Variants in DNAH1 observed in about 807,000 individuals in gnomAD.
DNAH1 encodes the protein dynein axonemal heavy chain 1.
Under a neutral mutation model 484.3 loss-of-function variants are expected in DNAH1, and 327 were observed. The observed-to-expected ratio is 0.68, with a 90% CI of 0.62 to 0.74. The LOEUF (loss-of-function observed/expected upper bound fraction) is 0.74. DNAH1 is among the 30% of genes least tolerant of loss of function. DNAH1 has a pLI of 0.00. For synonymous variants in DNAH1, 2,192 were observed against 2,191.9 expected (o/e 1.00, Z 0.00); for missense variants, 5,052 against 5,546.8 (o/e 0.91, Z 2.83).
upstream of DNAH1, among the ~76,000 whole-genome samples, chr3:52,311,983 C>A (rs550265608): frequency 4.6e-5 from 7 of 152,382 alleles, no homozygotes; most frequent in South Asian, 2.1e-4. Context: ...CACCGCCCCC[C>A]CAACCTGCTT....
chr3:52,390,988 GT>G lies in DNAH1; in HGVS notation c.9679del (p.Ser3227ProfsTer32). On this transcript the variant is annotated frameshift_variant, in exon 61 of 78. Transcript: ENST00000420323. LOFTEE classifies it high-confidence loss of function. The stretch of plus-strand genomic sequence containing the variant: ...CAGTGGAGAACGGGGTCATCAACCA[GT>G]TTTCCCAGCGCTGGACCCACTTCAT... ...LSVENGVINQFSQRWTHFIDP... is the reference protein window; with the variant it reads ...LSVENGVINQXSQRWTHFIDP... The G allele has an allele frequency of 6.4e-7, 1 of 1,553,468 alleles. No individual in the cohort carries two copies. Among genetic ancestry groups the G allele is most frequent in the Non-Finnish European group, 8.7e-7 (1 of 1,147,994 alleles).
At position 52,346,506 on chromosome 3, in the gene DNAH1, C is replaced by T. The variant is rs1249257265; in HGVS notation, c.1691C>T (p.Ser564Leu). Reference sequence around the variant, plus strand: ...TTCCTCAAGGACAGCTGGATCAGCTCGCTAAAGGTGGCCATGCGCAGCAGC... The same window carrying T: ...TTCCTCAAGGACAGCTGGATCAGCTTGCTAAAGGTGGCCATGCGCAGCAGC... ...QMFLKDSWIS[S>L]LKVAMRSSLR... The change falls in exon 11 of 78, where the codon TCG becomes TTG. Residue 564 changes from serine (S) to leucine (L), a missense_variant. Ser to Leu is a moderately radical substitution (Grantham distance 145). Coordinates refer to ENST00000420323, the MANE Select transcript of DNAH1 (RefSeq NM_015512.5). 4.3e-6 allele frequency: 7 copies of T among 1,613,060 alleles called. No homozygotes were observed. The highest frequency in any genetic ancestry group is 5.1e-6 in the Non-Finnish European group (6 of 1,179,514).
At chr3:52,313,744 C>T (rs761196909), upstream of DNAH1, among the ~76,000 whole-genome samples, 1 of 152,078 alleles carries the variant, frequency 6.6e-6, no homozygotes, top group Non-Finnish European at 1.5e-5. Context: ...TTTACACATT[C>T]GCTCCTGGAG....
In DNAH1 at chr3:52,361,360, TG is replaced by T; in HGVS notation, c.4874+11del. ...CTTCAAGGGCCTGGCCAGGTGAGGC[TG>T]GGCATGAGCGTGGCACAGGATGGGG... On this transcript the variant is annotated intron_variant, in intron 29 of 77. Coordinates refer to ENST00000420323, the MANE Select transcript of DNAH1 (RefSeq NM_015512.5). The surrounding 1 kb of genome is among the most constrained non-coding windows in gnomAD (Gnocchi z 5.6). 6.4e-7 allele frequency: 1 copy of T among 1,566,676 alleles called. No individual in the cohort carries two copies. The highest frequency in any genetic ancestry group is 1.2e-5 in the South Asian group (1 of 84,970).
In DNAH1 at chr3:52,358,019, C is replaced by T. The variant is rs760649851; in HGVS notation, c.4086+16C>T. 8.2e-6 allele frequency: 13 copies of T among 1,584,306 alleles called. No individual in the cohort carries two copies. Among genetic ancestry groups the T allele is most frequent in the South Asian group, 4.5e-5 (4 of 88,040 alleles). ...CATCGCTCGGGTGGGCAGCTGGGCC[C>T]GGGGCTCAGGGCTGGGAGCATGGGG... On this transcript the variant is annotated intron_variant, in intron 24 of 77. Transcript: ENST00000420323. This position sits in a 1 kb window ranked among gnomAD's most constrained non-coding sequence, Gnocchi z 4.2.
chr3:52,341,373 A>G (rs1701933982), intron 8 of DNAH1, among the ~76,000 whole-genome samples: 1 of 152,104 alleles, frequency 6.6e-6, no homozygotes, highest in Middle Eastern at 3.2e-3. Flanking sequence ...AGAAATCTAT[A>G]AGGAAGTGAA....
chr3:52,359,518 G>A (rs1702767164), intron 26 of DNAH1, 132 bp downstream of exon 26: 1 of 1,285,984 alleles, frequency 7.8e-7, no homozygotes, highest in South Asian at 1.5e-5. Flanking sequence ...GGGGAGGTCA[G>A]ACACCCTTGA....
In DNAH1 at chr3:52,396,681, C is replaced by A. The variant is rs200962458; in HGVS notation, c.11494C>A (p.Arg3832Ser). 4.5e-5 allele frequency: 73 copies of A among 1,613,608 alleles called. 1 individual carries two copies. The highest frequency in any genetic ancestry group is 5.7e-5 in the Non-Finnish European group (67 of 1,179,878). ...GTTCCATGGGAACGCCCTGGAGCGC[C>A]GTAAGTTTGGGCCCCTGGGCTTCAA... ...CLFHGNALER[R>S]KFGPLGFNIP... is the part of the protein sequence containing the mutation. The change falls in exon 72 of 78, where the codon CGT becomes AGT. Residue 3832 changes from arginine to serine, a missense_variant. Transcript: ENST00000420323.
intron 8 of DNAH1, among the ~76,000 whole-genome samples, chr3:52,338,939 C>G (rs1291462128): frequency 1.3e-5 from 2 of 150,730 alleles, no homozygotes; most frequent in African/African-American, 4.9e-5. Flanking sequence ...GAGGCTGAGG[C>G]AGGAGAATTG....
intron 16 of DNAH1, 100 bp from the exon 17 acceptor site, chr3:52,351,862 C>T: frequency 7.0e-7 from 1 of 1,421,632 alleles, no homozygotes; most frequent in Non-Finnish European, 9.6e-7. Flanking sequence ...CCCCTTCTCA[C>T]TGGCTGCCTG....
In DNAH1 at chr3:52,375,407, T is replaced by C; in HGVS notation, c.7153T>C (p.Trp2385Arg). The change falls in exon 45 of 78, where the codon TGG becomes CGG. Residue 2385 changes from tryptophan to arginine, a missense_variant. By Grantham distance (101) the Trp-to-Arg change is moderately radical. This residue lies in a region of DNAH1 where 2,929 missense variants were observed against 3,409.4 expected (regional missense o/e 0.86). Transcript: ENST00000420323. ...CATCTTCTCCACCATCCTGGGCAAC[T>C]GGTTGGGTGAGTATTGGTGGGGGTG... The part of the protein sequence containing the change: ...KRIFSTILGN[W>R]LDGLLGEKSY... The C allele has an allele frequency of 5.0e-6, 8 of 1,612,702 alleles. No homozygotes were observed. Among genetic ancestry groups the C allele is most frequent in the Non-Finnish European group, 6.8e-6 (8 of 1,179,552 alleles).
intron 1 of DNAH1, chr3:52,317,857 T>A (rs1701005595): frequency 6.6e-6 from 1 of 152,150 alleles, no homozygotes. Context: ...CTAGCGTCCC[T>A]CCCTAGAGAC....
rs1322526630 is a variant in DNAH1 at position 52,356,492 on chromosome 3, C to G, written c.3694-122C>G. On this transcript the variant is annotated intron_variant, in intron 21 of 77. Coordinates refer to ENST00000420323, the MANE Select transcript of DNAH1 (RefSeq NM_015512.5). The stretch of plus-strand genomic sequence containing the variant: ...CTAGAAATCTCCCTGTAGACACTGG[C>G]TTTGGTGTCCAGTGCTCTGCCCAAC... 23 of 940,718 alleles carry G rather than the reference C, an allele frequency of 2.4e-5. No homozygotes were observed. The East Asian group carries it at 4.7e-4, about 19-fold the overall frequency. The allele number at this position is 940,718 out of a possible 1,614,324, so 58.3% of individuals were successfully genotyped here.
intron 8 of DNAH1, among the ~76,000 whole-genome samples, chr3:52,335,706 C>G (rs1018697059): frequency 6.6e-6 from 1 of 151,936 alleles, no homozygotes; most frequent in Non-Finnish European, 1.5e-5. Context: ...GCAATCTCAG[C>G]TCACTGCAAC....
chr3:52,359,810 C>T, intron 26 of DNAH1, 106 bp from the exon 27 acceptor site: 3 of 1,463,788 alleles, frequency 2.0e-6, no homozygotes, highest in Non-Finnish European at 2.8e-6. Context: ...ATCAGAGACC[C>T]CCAGGATAGA....
intron 1 of DNAH1, among the ~76,000 whole-genome samples, chr3:52,320,887 G>C (rs1701123822): frequency 7.2e-6 from 1 of 139,518 alleles, no homozygotes; most frequent in Non-Finnish European, 1.5e-5. Context: ...TGCAACCTCT[G>C]TCTCCCGGGT....
Position 52,395,109 on chromosome 3 carries a change from C to G in DNAH1, c.10968+50C>G, listed in dbSNP as rs563782048. On this transcript the variant is annotated intron_variant, in intron 68 of 77. Transcript: ENST00000420323. This position sits in a 1 kb window ranked among gnomAD's most constrained non-coding sequence, Gnocchi z 4.4. ...CTGGCACCTTGAGCTTGTCCCCACC[C>G]TGGGTCCCAGGGCCCTGGCTGCATC... The G allele has an allele frequency of 1.7e-5, 26 of 1,573,144 alleles. No homozygotes were observed. The African/African-American group carries it at 3.4e-4, about 20-fold the overall frequency.
chr3:52,375,352 C>A lies in DNAH1; in HGVS notation c.7098C>A (p.Phe2366Leu), dbSNP rs1351810578. The change falls in exon 45 of 78, where the codon TTC (phenylalanine) becomes TTA (leucine). Residue 2366 changes from phenylalanine to leucine, a missense_variant. Coordinates refer to ENST00000420323, the MANE Select transcript of DNAH1 (RefSeq NM_015512.5). ...RLMRHFNYLS[F>L]AEMDEVSKKR... ...TGCGTCACTTCAACTACCTGTCTTT[C>A]GCTGAGATGGACGAGGTCAGCAAGA... The A allele has an allele frequency of 2.5e-6, 4 of 1,613,682 alleles. No individual in the cohort carries two copies. Among genetic ancestry groups the A allele is most frequent in the Non-Finnish European group, 3.4e-6 (4 of 1,179,764 alleles).
chr3:52,365,910 C>T (rs1703054260), intron 34 of DNAH1, among the ~76,000 whole-genome samples: 2 of 152,348 alleles, frequency 1.3e-5, no homozygotes, highest in South Asian at 2.1e-4. Flanking sequence ...TCACCTTTGC[C>T]GTCCCTGGCT....
Sources: gnomAD v4.1 joint callset for allele counts (sites outside exome capture counted in the v4.1 genomes callset) on GRCh38, gnomAD v4.1.1 for gene constraint, gnomAD v4.1.1 regional missense constraint, Gnocchi (gnomAD v3.1) non-coding constraint, MANE v1.5 for transcripts, NCBI Gene and HGNC (gene_info 2026-07-23, HGNC 2026-07-21) for gene names.